ACTR5: variants seen among roughly 807,000 people sequenced by gnomAD.
ACTR5 encodes actin related protein 5.
In ACTR5, 43 loss-of-function variants were observed where a neutral mutation model predicts 61.2. The observed-to-expected ratio is 0.70, with a 90% CI of 0.55 to 0.91. The LOEUF (loss-of-function observed/expected upper bound fraction) is 0.91. ACTR5 is among the 40% of genes least tolerant of loss of function. The probability of loss-of-function intolerance (pLI) is 0.00; values close to 1 mark genes in which losing one functional copy is unlikely to be tolerated. For missense variants in ACTR5, 798 were observed against 782.2 expected (o/e 1.02, Z -0.24); for synonymous variants, 333 against 310.5 (o/e 1.07, Z -0.76).
chr20:38,769,578 A>G (rs1045086665), intron 8 of ACTR5, among the ~76,000 whole-genome samples: 3 of 152,122 alleles, frequency 2.0e-5, no homozygotes, highest in African/African-American at 7.2e-5. Context: ...GGCTTAAGGG[A>G]GAGGATAGTA....
In ACTR5 at chr20:38,748,699, G is replaced by A; in HGVS notation, c.221G>A (p.Gly74Asp). ...VCARGRGGAR[G>D]ASGPQVGNAL... ...GCCCGCGGTCGTGGCGGGGCACGGG[G>A]CGCGTCGGGCCCGCAGGTGGGGAAC... Residue 74 changes from glycine (G) to aspartate (D), a missense_variant, in exon 1 of 9, where the codon GGC (glycine) becomes GAC (aspartate). Transcript: ENST00000243903. 1 of 1,524,490 alleles carries A rather than the reference G, an allele frequency of 6.6e-7. No individual in the cohort carries two copies. The highest frequency in any genetic ancestry group is 8.8e-7 in the Non-Finnish European group (1 of 1,137,460). 94.4% of individuals were successfully genotyped at this position (1,524,490 alleles called of 1,614,324 possible).
intron 2 of ACTR5, among the ~76,000 whole-genome samples, chr20:38,751,327 A>T (rs1015781356): frequency 1.3e-5 from 2 of 152,272 alleles, no homozygotes; most frequent in African/African-American, 4.8e-5. Context: ...ATATAAGGCA[A>T]ATACCATTGA....
chr20:38,748,980 A>C (rs1265785827), intron 1 of ACTR5, 127 bp downstream of exon 1: 1 of 1,197,442 alleles, frequency 8.4e-7, no homozygotes, highest in African/African-American at 1.6e-5. Flanking sequence ...AGTCGACCAG[A>C]TGCTAGGCGC....
intron 8 of ACTR5, among the ~76,000 whole-genome samples, chr20:38,769,980 A>G (rs1007209420): frequency 3.3e-5 from 5 of 152,126 alleles, no homozygotes; most frequent in Non-Finnish European, 7.4e-5. Flanking sequence ...TTCAAGATCT[A>G]TTTCTTGGTA....
At position 38,750,606 on chromosome 20, in the gene ACTR5, GTTTTTTT is replaced by G. The variant is rs11478491; in HGVS notation, c.605+371_605+377del. On this transcript the variant is annotated intron_variant, in intron 2 of 8. Transcript: ENST00000243903. ...ATCTTTGTGTTCTGGAGTTTTTTTTGTTTTTTTTTTGTTTTTGTTTTTGTTTGTTTGT... is the reference window on the plus strand; with the variant it reads ...ATCTTTGTGTTCTGGAGTTTTTTTTGTTTGTTTTTGTTTTTGTTTGTTTGT... 5.7e-5 allele frequency among the ~76,000 whole-genome samples: 8 copies of G among 140,412 alleles called. 1 individual carries two copies. The South Asian group carries it at 1.8e-3, about 32-fold the overall frequency. 92.1% of individuals were successfully genotyped at this position (140,412 alleles called of 152,430 possible).
intron 8 of ACTR5, among the ~76,000 whole-genome samples, chr20:38,768,006 A>G (rs2084498389): frequency 6.6e-6 from 1 of 152,132 alleles, no homozygotes. Flanking sequence ...CATGGCTGAT[A>G]AAGAGGAGAG....
intron 3 of ACTR5, among the ~76,000 whole-genome samples, chr20:38,752,511 G>T (rs1168833161): frequency 6.6e-6 from 1 of 152,094 alleles, no homozygotes; most frequent in Non-Finnish European, 1.5e-5. Context: ...CTTTAATACA[G>T]AACTTGGAAT....
intron 5 of ACTR5, 141 bp from the exon 6 acceptor site, chr20:38,765,261 T>C: frequency 3.1e-6 from 2 of 649,102 alleles, no homozygotes; most frequent in Non-Finnish European, 5.4e-6. Context: ...TTTTTAAAAA[T>C]AGCTTAGAAA....
chr20:38,757,702 G>A (rs200447006), intron 5 of ACTR5, among the ~76,000 whole-genome samples: 3 of 151,628 alleles, frequency 2.0e-5, no homozygotes, highest in East Asian at 1.9e-4. Flanking sequence ...TGCTCTCACC[G>A]TTGCATCCTC....
chr20:38,750,181 G>A lies in ACTR5; in HGVS notation c.547G>A (p.Gly183Arg). 4.3e-6 allele frequency: 7 copies of A among 1,614,170 alleles called. No individual in the cohort carries two copies. The highest frequency in any genetic ancestry group is 5.9e-6 in the Non-Finnish European group (7 of 1,180,036). Residue 183 changes from glycine (G) to arginine (R), a missense_variant, in exon 2 of 9, where the codon GGG becomes AGG. Physicochemically the swap from Gly to Arg is moderately radical, Grantham distance 125. Transcript: ENST00000243903. The stretch of plus-strand genomic sequence containing the variant: ...TAAGCCAAAGAACTCGATGTGCAGT[G>A]GGCTAATCATTTCATCTGGATACCA... The part of the protein sequence containing the change: ...HNKPKNSMCS[G>R]LIISSGYQCT...
chr20:38,750,139 T>C lies in ACTR5; in HGVS notation c.505T>C (p.Phe169Leu), dbSNP rs915375695. ...GGTTGCCTATGGAATAGACAGCCTC[T>C]TCAGCTTCTACCACAATAAGCCAAA... ...PKVAYGIDSL[F>L]SFYHNKPKNS... Residue 169 changes from phenylalanine (F) to leucine (L), a missense_variant, in exon 2 of 9, where the codon TTC (phenylalanine) becomes CTC (leucine). Coordinates refer to ENST00000243903, the MANE Select transcript of ACTR5 (RefSeq NM_024855.4). 6.2e-7 allele frequency: 1 copy of C among 1,614,230 alleles called. No individual in the cohort carries two copies. The highest frequency in any genetic ancestry group is 1.1e-5 in the South Asian group (1 of 91,086).
At chr20:38,768,795 C>T (rs1248274502) in intron 8 of ACTR5, among the ~76,000 whole-genome samples, 1 of 152,190 alleles carries the variant, frequency 6.6e-6, no homozygotes, top group Non-Finnish European at 1.5e-5. Flanking sequence ...GTATGCCTTT[C>T]TAAGGTAACA....
At chr20:38,759,374 C>T (rs1041085921) in intron 5 of ACTR5, among the ~76,000 whole-genome samples, 5 of 88,642 alleles carry the variant, frequency 5.6e-5, no homozygotes, top group Non-Finnish European at 1.3e-4. Context: ...CAAACTCTAG[C>T]GAGAGAGAAG....
chr20:38,766,428 G>C (rs781470065), intron 7 of ACTR5, 51 bp downstream of exon 7: 13 of 1,529,052 alleles, frequency 8.5e-6, no homozygotes, highest in African/African-American at 8.4e-5. Context: ...CATTTCCTTG[G>C]ATTTTGCATT....
chr20:38,751,398 A>G (rs1292332035), intron 2 of ACTR5, among the ~76,000 whole-genome samples: 3 of 152,254 alleles, frequency 2.0e-5, no homozygotes, highest in African/African-American at 4.8e-5. Context: ...GGTGTTACCA[A>G]ATGCTCCTGA....
intron 3 of ACTR5, among the ~76,000 whole-genome samples, chr20:38,754,703 G>A (rs1331617938): frequency 6.6e-6 from 1 of 151,994 alleles, no homozygotes; most frequent in Non-Finnish European, 1.5e-5. Context: ...AGGTGACAGG[G>A]CGAGCCTCCC....
In ACTR5 at chr20:38,751,857, C is replaced by T. The variant is rs1302751807; in HGVS notation, c.606-274C>T. 2.6e-5 allele frequency among the ~76,000 whole-genome samples: 4 copies of T among 152,180 alleles called. No individual in the cohort carries two copies. The East Asian group carries it at 7.7e-4, about 29-fold the overall frequency. On this transcript the variant is annotated intron_variant, in intron 2 of 8. Coordinates refer to ENST00000243903, the MANE Select transcript of ACTR5 (RefSeq NM_024855.4). ...TCTGGGATACCTGGTCCCAGGACTA[C>T]AGTTTGAGAAATATATGACGAGACT... is the stretch of plus-strand genomic sequence containing the variant.
intron 1 of ACTR5, among the ~76,000 whole-genome samples, chr20:38,749,262 G>A (rs897451726): frequency 1.3e-5 from 2 of 152,166 alleles, no homozygotes; most frequent in African/African-American, 4.8e-5. Flanking sequence ...AGGAGAGGAG[G>A]GAGTTACATT....
rs2084417997 is a variant in ACTR5, at chr20:38,756,000, A to G, written c.1137A>G (p.Glu379=). The G allele has an allele frequency of 6.2e-7, 1 of 1,613,772 alleles. No individual in the cohort carries two copies. The highest frequency in any genetic ancestry group is 8.5e-7 in the Non-Finnish European group (1 of 1,180,014). ...CTAAGCAGAAAATCCTCCAAGCGGA[A>G]GTCAACCTCGAGGTGGATGTGGTAG... The part of the protein sequence containing the change: ...EQAKQKILQA[E]VNLEVDVVDS... The change falls in exon 5 of 9, where the codon GAA becomes GAG. Residue 379 remains glutamate (E), a synonymous_variant. Coordinates refer to ENST00000243903, the MANE Select transcript of ACTR5 (RefSeq NM_024855.4).
Sources: gnomAD v4.1 joint callset for allele counts (sites outside exome capture counted in the v4.1 genomes callset) on GRCh38, gnomAD v4.1.1 for gene constraint, MANE v1.5 for transcripts, NCBI Gene and HGNC (gene_info 2026-07-23, HGNC 2026-07-21) for gene names.